The following CCDC7 variants were observed in gnomAD, a reference collection of about 807,000 sequenced individuals.
The protein encoded by CCDC7 is coiled-coil domain containing 7, also known as coiled-coil domain-containing protein 7.
CCDC7 carries 183 observed loss-of-function variants against 196.9 expected under a neutral mutation model. That is an observed-to-expected ratio of 0.93 (90% CI 0.82 to 1.05). The LOEUF is 1.05. Ranked by LOEUF, CCDC7 falls within the 50% of genes least tolerant of loss-of-function variation. The probability of loss-of-function intolerance (pLI) is 0.00; values close to 1 mark genes in which losing one functional copy is unlikely to be tolerated. For synonymous variants in CCDC7, 525 were observed against 484.6 expected (o/e 1.08, Z -1.10); for missense variants, 1,540 against 1,482.2 (o/e 1.04, Z -0.64).
At chr10:32,784,633 G>A (rs56241656) in intron 29 of CCDC7, among the ~76,000 whole-genome samples, 11,525 of 152,018 alleles carry the variant, frequency 0.076, 534 homozygotes, top group East Asian at 0.16. Context: ...GTGCAGTGGC[G>A]CAATCTCGGC....
intron 24 of CCDC7, among the ~76,000 whole-genome samples, chr10:32,709,835 C>A (rs2080509377): frequency 6.6e-6 from 1 of 152,060 alleles, no homozygotes. Flanking sequence ...CACTTATAAC[C>A]CTAGAAATCT....
chr10:32,471,206 T>C lies in CCDC7; in HGVS notation c.653T>C (p.Val218Ala), dbSNP rs780973333. Reference sequence around the variant, plus strand: ...CTTAAACAGAGGTCTAAATCCTCCGTGAAAGTCATGTTGTCTAAAACTATG... The same window carrying C: ...CTTAAACAGAGGTCTAAATCCTCCGCGAAAGTCATGTTGTCTAAAACTATG... Residue 218 changes from valine (V) to alanine (A), a missense_variant, in exon 6 of 42, where the codon GTG becomes GCG. Transcript: ENST00000639629. The C allele has an allele frequency of 1.1e-5, 17 of 1,608,900 alleles. No homozygotes were observed. The East Asian group carries it at 3.6e-4, about 34-fold the overall frequency.
chr10:32,507,848 A>T (rs1489678339), intron 9 of CCDC7, among the ~76,000 whole-genome samples: 3 of 152,244 alleles, frequency 2.0e-5, no homozygotes, highest in Non-Finnish European at 2.9e-5. Flanking sequence ...GTAAAAACTT[A>T]CAACAAATTA....
At chr10:32,506,879 A>T (rs1156849763) in intron 9 of CCDC7, among the ~76,000 whole-genome samples, 1 of 149,536 alleles carries the variant, frequency 6.7e-6, no homozygotes, top group Non-Finnish European at 1.5e-5. Flanking sequence ...GGGAGAGGCG[A>T]CCCCTTTATA....
At chr10:32,788,821 C>G (rs1386324047) in intron 29 of CCDC7, among the ~76,000 whole-genome samples, 1 of 152,222 alleles carries the variant, frequency 6.6e-6, no homozygotes, top group Non-Finnish European at 1.5e-5. Context: ...TCAGGTCTGC[C>G]CCTGTGGGCC....
At chr10:32,704,950 C>G (rs2079442488) in intron 24 of CCDC7, among the ~76,000 whole-genome samples, 1 of 152,158 alleles carries the variant, frequency 6.6e-6, no homozygotes, top group Admixed American at 6.5e-5. Flanking sequence ...TCCCTGACCC[C>G]TTGCACTTCC....
intron 26 of CCDC7, 55 bp downstream of exon 27, chr10:32,726,887 A>G (rs1007220519): frequency 1.9e-4 from 209 of 1,074,968 alleles, no homozygotes; most frequent in Non-Finnish European, 7.0e-5. Context: ...AACTTATCAG[A>G]AGATCTTTGC....
chr10:32,500,996 G>A (rs1318281190), intron 9 of CCDC7, among the ~76,000 whole-genome samples: 2 of 152,196 alleles, frequency 1.3e-5, no homozygotes, highest in African/African-American at 4.8e-5. Flanking sequence ...GATGGCGGCA[G>A]TACAGTCCAG....
chr10:32,706,957 C>T (rs2079879822), intron 24 of CCDC7, among the ~76,000 whole-genome samples: 1 of 152,166 alleles, frequency 6.6e-6, no homozygotes, highest in Non-Finnish European at 1.5e-5. Context: ...GGAATCCTCC[C>T]CAACTCATTT....
At chr10:32,750,374 C>T (rs950246914) in intron 28 of CCDC7, among the ~76,000 whole-genome samples, 1 of 151,958 alleles carries the variant, frequency 6.6e-6, no homozygotes, top group Admixed American at 6.6e-5. Flanking sequence ...CCAGCAAAAA[C>T]ATAAGGAAAA....
intron 31 of CCDC7, among the ~76,000 whole-genome samples, chr10:32,823,216 C>A (rs2090552275): frequency 6.6e-6 from 1 of 151,670 alleles, no homozygotes; most frequent in African/African-American, 2.4e-5. Context: ...AATCTTGGCT[C>A]ACCACAACCT....
intron 15 of CCDC7, among the ~76,000 whole-genome samples, 179 bp downstream of exon 16, chr10:32,568,070 G>A (rs1298830552): frequency 6.9e-6 from 1 of 145,508 alleles, no homozygotes; most frequent in African/African-American, 2.6e-5. Flanking sequence ...GCTATGGTGC[G>A]ATCTTGGCTC....
intron 21 of CCDC7, among the ~76,000 whole-genome samples, chr10:32,680,655 G>A (rs2075732805): frequency 6.6e-6 from 1 of 152,098 alleles, no homozygotes; most frequent in African/African-American, 2.4e-5. Context: ...TCCTCTTGAT[G>A]TTGGCCTCAG....
In CCDC7 at chr10:32,742,265, C is replaced by G. The variant is rs2504337; in HGVS notation, c.2905+12808C>G. On this transcript the variant is annotated intron_variant, in intron 28 of 41. Transcript: ENST00000639629. ...CCTCTGTGCCTTCTGCCATTCCCCCCACACAGACTCCCCACTGTCAGCATC... is the reference window on the plus strand; with the variant it reads ...CCTCTGTGCCTTCTGCCATTCCCCCGACACAGACTCCCCACTGTCAGCATC... Among the ~76,000 whole-genome samples, 556 of 152,048 alleles carry G rather than the reference C, an allele frequency of 3.7e-3. 2 individuals carry two copies. Among genetic ancestry groups the G allele is most frequent in the African/African-American group, 0.012 (515 of 41,496 alleles).
intron 28 of CCDC7, among the ~76,000 whole-genome samples, chr10:32,756,357 G>A (rs527722665): frequency 1.1e-3 from 169 of 152,366 alleles, no homozygotes; most frequent in African/African-American, 3.9e-3. Flanking sequence ...CAGCCAGAGA[G>A]AAAGGTCGCG....
chr10:32,868,521 G>A (rs2094295325), intron 41 of CCDC7, among the ~76,000 whole-genome samples: 1 of 151,904 alleles, frequency 6.6e-6, no homozygotes, highest in South Asian at 2.1e-4. Flanking sequence ...AGAAGTTGTA[G>A]TGTAGTGTTT....
chr10:32,685,780 G>A (rs1338012599), intron 21 of CCDC7, among the ~76,000 whole-genome samples, 190 bp from the exon 23 acceptor site: 1 of 152,032 alleles, frequency 6.6e-6, no homozygotes, highest in Admixed American at 6.5e-5. Flanking sequence ...AAGTGAGAAA[G>A]CATCAACATA....
At chr10:32,584,987 C>T (rs746116893) in intron 18 of CCDC7, among the ~76,000 whole-genome samples, 10 of 152,026 alleles carry the variant, frequency 6.6e-5, no homozygotes, top group Admixed American at 1.3e-4. Flanking sequence ...GTTTGATATA[C>T]GGTTAAAAGC....
intron 41 of CCDC7, among the ~76,000 whole-genome samples, chr10:32,874,769 C>T (rs1264776845): frequency 1.3e-5 from 2 of 150,980 alleles, no homozygotes; most frequent in Non-Finnish European, 3.0e-5. Flanking sequence ...CACACACACA[C>T]ACACACACAC....
Sources: allele counts gnomAD v4.1 joint callset (sites outside exome capture counted in the v4.1 genomes callset), GRCh38; gene constraint gnomAD v4.1.1; transcripts MANE v1.5; gene names NCBI Gene and HGNC (gene_info 2026-07-23, HGNC 2026-07-21).